MVK: variants seen among roughly 807,000 people sequenced by gnomAD.
MVK encodes LH receptor mRNA-binding protein.
A neutral mutation model predicts 43.2 loss-of-function variants in MVK; 34 were observed. The observed-to-expected ratio is 0.79, with a 90% CI of 0.60 to 1.05. The LOEUF is 1.05. MVK is among the 50% of genes least tolerant of loss of function. The pLI, the probability that MVK is intolerant of heterozygous loss-of-function variation, is 0.00. For synonymous variants in MVK, 190 were observed against 219.8 expected, an observed-to-expected ratio of 0.86 and a Z score of 1.20; for missense variants, 395 against 504.0, an observed-to-expected ratio of 0.78 and a Z score of 2.07.
rs549837642 is a variant in MVK, at chr12:109,579,537, G to A, written c.227-265G>A. ...TTTACGTTCCTGACAACCGTAAGAA[G>A]AGGCACTGTTGTTATCCCTGTTTTA... On this transcript the variant is annotated intron_variant, in intron 3 of 10. Transcript: ENST00000228510. Among the ~76,000 whole-genome samples, 28 of 152,338 alleles carry A rather than the reference G, an allele frequency of 1.8e-4. No homozygotes were observed. The South Asian group carries it at 2.3e-3, about 12-fold the overall frequency.
In MVK at chr12:109,581,536, G is replaced by T. The variant is rs1244360135; in HGVS notation, c.513G>T (p.Gly171=). The change falls in exon 5 of 11, where the codon GGG becomes GGT. Residue 171 remains glycine, a synonymous_variant. Coordinates refer to ENST00000228510, the MANE Select transcript of MVK (RefSeq NM_000431.4). ...CEEIPNPLKD[G]DCVNRWTKED... ...AGATCCCAAACCCGCTGAAGGACGG[G>T]GATTGCGTCAACAGGTAACCATGGT... 5 of 1,614,188 alleles carry T rather than the reference G, an allele frequency of 3.1e-6. No individual in the cohort carries two copies. In the South Asian group the frequency reaches 4.4e-5, roughly 14 times the overall value.
chr12:109,591,502 G>A lies in MVK; in HGVS notation c.885+145G>A, dbSNP rs899417930. 11 of 767,324 alleles carry A rather than the reference G, an allele frequency of 1.4e-5. No homozygotes were observed. The East Asian group carries it at 2.7e-4, about 19-fold the overall frequency. The allele number at this position is 767,324 out of a possible 1,614,324, so 47.5% of individuals were successfully genotyped here. A position where few individuals can be genotyped will look rare whatever the true frequency, so the allele number is the denominator to read the frequency against. The stretch of plus-strand genomic sequence containing the variant: ...GCCTCTGGCCTATGCTCTCAGCTGG[G>A]CCCAGGTCTGTGCGTGCCATATAAG... On this transcript the variant is annotated intron_variant, in intron 9 of 10. Transcript: ENST00000228510.
intron 9 of MVK, among the ~76,000 whole-genome samples, chr12:109,593,868 C>G (rs555585733): frequency 3.5e-4 from 53 of 151,904 alleles, no homozygotes; most frequent in Non-Finnish European, 6.9e-4. Flanking sequence ...CAGGCACACG[C>G]CAACATACGT....
intron 3 of MVK, 138 bp from the exon 4 acceptor site, chr12:109,579,664 G>C: frequency 8.4e-7 from 1 of 1,186,592 alleles, no homozygotes; most frequent in Non-Finnish European, 1.2e-6. Flanking sequence ...AACAGACTTG[G>C]GTGTGGGGTT....
chr12:109,595,987 T>TG lies in MVK; in HGVS notation c.1040-437dup, dbSNP rs538426966. Among the ~76,000 whole-genome samples, 179 of 152,268 alleles carry TG rather than the reference T, an allele frequency of 1.2e-3. No homozygotes were observed. The highest frequency in any genetic ancestry group is 0.01 in the Middle Eastern group (3 of 294). On this transcript the variant is annotated intron_variant, in intron 10 of 10. Transcript: ENST00000228510. The surrounding 1 kb of genome is among the most constrained non-coding windows in gnomAD (Gnocchi z 5.9). Reference sequence around the variant, plus strand: ...GTTCCTAGTTCAGAGCCCATGACGATGGTGGGACTTGACATTTCTGGAGTG... The same window carrying TG: ...GTTCCTAGTTCAGAGCCCATGACGATGGGTGGGACTTGACATTTCTGGAGTG...
intron 2 of MVK, 30 bp from the exon 3 acceptor site, chr12:109,575,968 G>T: frequency 6.2e-7 from 1 of 1,613,788 alleles, no homozygotes; most frequent in South Asian, 1.1e-5. Context: ...CTCACCCTCA[G>T]GCTTATTGCT....
chr12:109,583,720 G>C (rs1013032585), intron 5 of MVK, among the ~76,000 whole-genome samples: 1 of 152,202 alleles, frequency 6.6e-6, no homozygotes, highest in African/African-American at 2.4e-5. Context: ...CACCAACAGT[G>C]TAAAAGTGTT....
At position 109,581,555 on chromosome 12, in the gene MVK, C is replaced by T. The variant is rs1885220931; in HGVS notation, c.527+5C>T. ...GGACGGGGATTGCGTCAACAGGTAA[C>T]CATGGTCCTTACCTGGCCAGTGTCC... On this transcript the variant is annotated splice_donor_5th_base_variant and intron_variant, in intron 5 of 10. Transcript: ENST00000228510. 6.2e-7 allele frequency: 1 copy of T among 1,614,206 alleles called. No homozygotes were observed. Among genetic ancestry groups the T allele is most frequent in the Non-Finnish European group, 8.5e-7 (1 of 1,180,014 alleles).
At position 109,595,966 on chromosome 12, in the gene MVK, C is replaced by T. The variant is rs1254091189; in HGVS notation, c.1040-460C>T. ...TCCAGCCAACCCCAACTGTTGGTTC[C>T]TAGTTCAGAGCCCATGACGATGGTG... On this transcript the variant is annotated intron_variant, in intron 10 of 10. Coordinates refer to ENST00000228510, the MANE Select transcript of MVK (RefSeq NM_000431.4). This position sits in a 1 kb window ranked among gnomAD's most constrained non-coding sequence, Gnocchi z 5.9. Among the ~76,000 whole-genome samples, 1 of 152,230 alleles carries T rather than the reference C, an allele frequency of 6.6e-6. No individual in the cohort carries two copies. The highest frequency in any genetic ancestry group is 1.5e-5 in the Non-Finnish European group (1 of 68,042).
chr12:109,580,423 T>G (rs1885167735), intron 4 of MVK, among the ~76,000 whole-genome samples: 1 of 152,080 alleles, frequency 6.6e-6, no homozygotes, highest in Admixed American at 6.5e-5. Context: ...TGTTGTTGTT[T>G]TTGTTGTTTT....
Position 109,576,846 on chromosome 12 carries a change from G to A in MVK, c.226+701G>A, listed in dbSNP as rs543297140. 1.5e-3 allele frequency among the ~76,000 whole-genome samples: 219 copies of A among 150,752 alleles called. 1 individual carries two copies. The highest frequency in any genetic ancestry group is 5.2e-3 in the African/African-American group (213 of 40,950). On this transcript the variant is annotated intron_variant, in intron 3 of 10. Transcript: ENST00000228510. ...AGATTGCGCCATTGCACTCCAGCCT[G>A]GGGGACAGGGCAAGACTCCATCTCA...
At chr12:109,593,506 C>T (rs1325960531) in intron 9 of MVK, among the ~76,000 whole-genome samples, 3 of 152,200 alleles carry the variant, frequency 2.0e-5, no homozygotes, top group Non-Finnish European at 2.9e-5. Context: ...TAGACAGGAG[C>T]TTCATGTCAG....
intron 8 of MVK, 61 bp from the exon 9 acceptor site, chr12:109,591,180 C>T: frequency 1.3e-6 from 2 of 1,489,858 alleles, no homozygotes; most frequent in South Asian, 1.1e-5. Flanking sequence ...ACTGCTGGGG[C>T]AGCTGTCCTG....
Position 109,576,098 on chromosome 12 carries a change from G to A in MVK, c.179G>A (p.Arg60Gln), listed in dbSNP as rs1248779646. The A allele has an allele frequency of 5.0e-6, 8 of 1,614,010 alleles. No homozygotes were observed. Among genetic ancestry groups the A allele is most frequent in the Non-Finnish European group, 5.9e-6 (7 of 1,180,024 alleles). The change falls in exon 3 of 11, where the codon CGG (arginine) becomes CAG (glutamine). Residue 60 changes from arginine to glutamine, a missense_variant. Transcript: ENST00000228510. ...AGCTTACCCAACATTGGTATCAAGC[G>A]GGCCTGGGATGTGGCCAGGCTTCAG... ...DLSLPNIGIKRAWDVARLQSL... is the reference protein window; with the variant it reads ...DLSLPNIGIKQAWDVARLQSL...
At chr12:109,574,703 A>G in intron 1 of MVK, 106 bp from the exon 2 acceptor site, 1 of 968,834 alleles carries the variant, frequency 1.0e-6, no homozygotes, top group Non-Finnish European at 1.6e-6. Flanking sequence ...GACGGTAACT[A>G]CCTTTTTTGT....
At position 109,597,606 on chromosome 12, in the gene MVK, G is replaced by C. The variant is rs1885975733; in HGVS notation, c.*1029G>C. ...CTTCCTTTCTGAAATGAACTGGCTG[G>C]ATGGAGAAAACAGACTCAAATGTTC... is the stretch of plus-strand genomic sequence containing the variant. On this transcript the variant is annotated 3_prime_UTR_variant, in exon 11 of 11. Coordinates refer to ENST00000228510, the MANE Select transcript of MVK (RefSeq NM_000431.4). 6.6e-6 allele frequency: 1 copy of C among 152,420 alleles called. No individual in the cohort carries two copies. Among genetic ancestry groups the C allele is most frequent in the African/African-American group, 2.4e-5 (1 of 41,446 alleles). The allele number at this position is 152,420 out of a possible 1,614,324, so 9.4% of individuals were successfully genotyped here. A position where few individuals can be genotyped will look rare whatever the true frequency, so the allele number is the denominator to read the frequency against.
intron 5 of MVK, 103 bp from the exon 6 acceptor site, chr12:109,585,919 C>A: frequency 1.1e-6 from 1 of 884,066 alleles, no homozygotes; most frequent in East Asian, 2.4e-5. Context: ...AGCTCAAGGG[C>A]CCAAGCTCCT....
chr12:109,583,990 T>C (rs191888004), intron 5 of MVK, among the ~76,000 whole-genome samples: 33 of 152,338 alleles, frequency 2.2e-4, no homozygotes, highest in Non-Finnish European at 4.7e-4. Flanking sequence ...ATTAAGTTAG[T>C]AGCTAAGAGC....
Position 109,581,354 on chromosome 12 carries a change from C to T in MVK, c.372-41C>T, listed in dbSNP as rs144922996. ...CTGGTTCAGTGCTGGCACCCCACTG[C>T]CCTGCGGGAGAGTCACGTTTCACAC... On this transcript the variant is annotated intron_variant, in intron 4 of 10. Coordinates refer to ENST00000228510, the MANE Select transcript of MVK (RefSeq NM_000431.4). 7.7e-5 allele frequency: 124 copies of T among 1,611,898 alleles called. No homozygotes were observed. The African/African-American group carries it at 1.5e-3, about 19-fold the overall frequency.
Sources: gnomAD v4.1 joint callset for allele counts (sites outside exome capture counted in the v4.1 genomes callset) on GRCh38, gnomAD v4.1.1 for gene constraint, Gnocchi (gnomAD v3.1) non-coding constraint, MANE v1.5 for transcripts, NCBI Gene and HGNC (gene_info 2026-07-23, HGNC 2026-07-21) for gene names.